The following EXOC4 variants were observed in gnomAD, a reference collection of about 807,000 sequenced individuals.
EXOC4 encodes the protein SEC8-like 1.
A neutral mutation model predicts 107.2 loss-of-function variants in EXOC4; 71 were observed. That is an observed-to-expected ratio of 0.66 (90% CI 0.55 to 0.81). The LOEUF (loss-of-function observed/expected upper bound fraction) is 0.81. Ranked by LOEUF, EXOC4 falls within the 30% of genes least tolerant of loss-of-function variation. The pLI, the probability that EXOC4 is intolerant of heterozygous loss-of-function variation, is 0.00. For synonymous variants in EXOC4, 456 were observed against 441.2 expected, an observed-to-expected ratio of 1.03 and a Z score of -0.42; for missense variants, 1,108 against 1,189.6, an observed-to-expected ratio of 0.93 and a Z score of 1.01.
At chr7:133,867,199 A>AT (rs2116373785) in intron 11 of EXOC4, among the ~76,000 whole-genome samples, 1 of 152,374 alleles carries the variant, frequency 6.6e-6, no homozygotes, top group South Asian at 2.1e-4. Context: ...GCTGTATGGC[A>AT]TTAGGCACAT....
chr7:133,850,637 C>T (rs992739616), intron 11 of EXOC4, among the ~76,000 whole-genome samples: 7 of 150,248 alleles, frequency 4.7e-5, no homozygotes, highest in African/African-American at 1.5e-4. Flanking sequence ...CTAGGTTACC[C>T]CCCCACACAC....
At chr7:134,092,922 CAAAAA>C in the EXOC4 span, among the ~76,000 whole-genome samples, 1 of 80,468 alleles carries the variant, frequency 1.2e-5, no homozygotes, top group Non-Finnish European at 2.5e-5. Flanking sequence ...GACTCCATCT[CAAAAA>C]AAAAAAAAAA....
chr7:133,813,557 A>G lies in EXOC4; in HGVS notation c.1515-3768A>G, dbSNP rs149629016. On this transcript the variant is annotated intron_variant, in intron 10 of 17. Coordinates refer to ENST00000253861, the MANE Select transcript of EXOC4 (RefSeq NM_021807.4). The stretch of plus-strand genomic sequence containing the variant: ...TGGGTAGAGTATCTTTTTGGGAGTT[A>G]GATGAGAACAGAAGGGGTCATCGCA... Among the ~76,000 whole-genome samples the G allele has an allele frequency of 3.3e-3, 501 of 152,298 alleles. 3 individuals are homozygous for G. Among genetic ancestry groups the G allele is most frequent in the African/African-American group, 0.011 (443 of 41,556 alleles).
chr7:133,291,592 A>G (rs562439175), intron 3 of EXOC4, among the ~76,000 whole-genome samples: 11 of 151,980 alleles, frequency 7.2e-5, no homozygotes, highest in Non-Finnish European at 1.3e-4. Context: ...ATGTTGGGTC[A>G]GGCTGGTCTG....
chr7:133,819,277 C>CT (rs59308684), intron 11 of EXOC4, among the ~76,000 whole-genome samples: 88,997 of 142,510 alleles, frequency 0.62, 29,627 homozygotes, highest in Admixed American at 0.74. Context: ...AAATGGAATA[C>CT]TTTTTTTTTT....
At chr7:133,265,832 A>C (rs193021455) in intron 1 of EXOC4, among the ~76,000 whole-genome samples, 191 of 152,296 alleles carry the variant, frequency 1.3e-3, no homozygotes, top group Admixed American at 2.8e-3. Context: ...ATTCAGGTGT[A>C]TTACATTAAA....
chr7:134,023,469 G>T lies in EXOC4; in HGVS notation c.2687+15634G>T, dbSNP rs932953214. Among the ~76,000 whole-genome samples, 5 of 151,914 alleles carry T rather than the reference G, an allele frequency of 3.3e-5. No homozygotes were observed. In the South Asian group the frequency reaches 6.2e-4, roughly 19 times the overall value. On this transcript the variant is annotated intron_variant, in intron 17 of 17. Transcript: ENST00000253861. The stretch of plus-strand genomic sequence containing the variant: ...TATTTTTAATATTAATAACTACTAT[G>T]AATTGAGTATTTATTTTGTATAACT...
intron 14 of EXOC4, among the ~76,000 whole-genome samples, chr7:133,982,593 C>T (rs1794016984): frequency 6.6e-6 from 1 of 152,086 alleles, no homozygotes; most frequent in Non-Finnish European, 1.5e-5. Context: ...GTTTTTGTTA[C>T]TTATTCAACA....
chr7:133,985,539 C>A (rs913541161), intron 14 of EXOC4, among the ~76,000 whole-genome samples: 2 of 152,178 alleles, frequency 1.3e-5, no homozygotes, highest in African/African-American at 2.4e-5. Context: ...CAGAGCTTGA[C>A]AGCTACCAGA....
rs1298752323 is a variant in EXOC4, at chr7:133,817,534, C to T, written c.1724C>T (p.Pro575Leu). The T allele has an allele frequency of 1.2e-6, 2 of 1,612,596 alleles. No individual in the cohort carries two copies. Among genetic ancestry groups the T allele is most frequent in the Non-Finnish European group, 8.5e-7 (1 of 1,178,682 alleles). Residue 575 changes from proline to leucine, a missense_variant, in exon 11 of 18, where the codon CCT becomes CTT. Physicochemically the swap from Pro to Leu is moderately conservative, Grantham distance 98. Transcript: ENST00000253861. ...DTMKVLGVQR[P>L]LLQSTIIVEK... ...ATGAAGGTGCTGGGAGTGCAGCGGCCTCTCCTACAGGTAATAATACACTTT... is the reference window on the plus strand; with the variant it reads ...ATGAAGGTGCTGGGAGTGCAGCGGCTTCTCCTACAGGTAATAATACACTTT...
intron 9 of EXOC4, among the ~76,000 whole-genome samples, chr7:133,607,026 C>T (rs373200437): frequency 1.3e-5 from 2 of 152,146 alleles, no homozygotes; most frequent in Non-Finnish European, 1.5e-5. Context: ...TCCTACAATG[C>T]GTATTTGCTA....
intron 7 of EXOC4, among the ~76,000 whole-genome samples, chr7:133,392,209 T>G (rs1278085794): frequency 1.3e-5 from 2 of 152,156 alleles, no homozygotes; most frequent in African/African-American, 4.8e-5. Context: ...ATTTTTCATT[T>G]CTCTCTTCTC....
At chr7:133,701,234 C>T (rs1326022125) in intron 10 of EXOC4, among the ~76,000 whole-genome samples, 1 of 151,986 alleles carries the variant, frequency 6.6e-6, no homozygotes, top group East Asian at 1.9e-4. Context: ...CTTACATGCC[C>T]CCAAAAGATC....
At position 133,853,345 on chromosome 7, in the gene EXOC4, A is replaced by AACACAC. The variant is rs59000979; in HGVS notation, c.1734+35849_1734+35854dup. 2.2e-3 allele frequency among the ~76,000 whole-genome samples: 251 copies of AACACAC among 115,560 alleles called. 1 individual carries two copies. Among genetic ancestry groups the AACACAC allele is most frequent in the South Asian group, 6.1e-3 (17 of 2,802 alleles). The allele number at this position is 115,560 out of a possible 152,430, so 75.8% of individuals were successfully genotyped here. A position where few individuals can be genotyped will look rare whatever the true frequency, so the allele number is the denominator to read the frequency against. ...TCTGTCTCTCTCTCTCTCTCTCTTT[A>AACACAC]ACACACACACACACACACACACACA... On this transcript the variant is annotated intron_variant, in intron 11 of 17. Transcript: ENST00000253861.
At chr7:134,041,514 G>T (rs1418692472) in intron 17 of EXOC4, among the ~76,000 whole-genome samples, 1 of 151,996 alleles carries the variant, frequency 6.6e-6, no homozygotes, top group South Asian at 2.1e-4. Context: ...CATGTAAATT[G>T]AATTTAATTT....
chr7:133,395,605 G>GC (rs975018290), intron 7 of EXOC4, among the ~76,000 whole-genome samples: 1 of 152,032 alleles, frequency 6.6e-6, no homozygotes, highest in African/African-American at 2.4e-5. Context: ...TTACATTTAG[G>GC]CCCTATGTGA....
intron 8 of EXOC4, among the ~76,000 whole-genome samples, chr7:133,476,815 C>T (rs933367243): frequency 6.6e-6 from 1 of 152,180 alleles, no homozygotes; most frequent in African/African-American, 2.4e-5. Context: ...GTGGAGGTTT[C>T]CTTAATTCAA....
chr7:133,914,440 T>G (rs1453778413), intron 12 of EXOC4, among the ~76,000 whole-genome samples: 5 of 152,196 alleles, frequency 3.3e-5, no homozygotes, highest in African/African-American at 9.6e-5. Context: ...AAAGAACTGT[T>G]TCATTCATAT....
At chr7:133,628,605 A>G (rs1484588725) in intron 9 of EXOC4, among the ~76,000 whole-genome samples, 3 of 152,204 alleles carry the variant, frequency 2.0e-5, no homozygotes, top group Admixed American at 2.0e-4. Context: ...TGTTTTTCCC[A>G]ACATCCAAAG....
Sources: allele counts gnomAD v4.1 joint callset (sites outside exome capture counted in the v4.1 genomes callset), GRCh38; gene constraint gnomAD v4.1.1; transcripts MANE v1.5; gene names NCBI Gene and HGNC (gene_info 2026-07-23, HGNC 2026-07-21).